The following CEP112 variants were observed in gnomAD, a reference collection of about 807,000 sequenced individuals.
CEP112 encodes centrosomal protein of 112 kDa.
In CEP112, 127 loss-of-function variants were observed where a neutral mutation model predicts 153.0. The ratio of observed to expected loss-of-function variants is 0.83; its 90% CI spans 0.72 to 0.96. CEP112 has a LOEUF of 0.96. Among genes scored for constraint, CEP112 ranks in the 40% least tolerant of loss-of-function variants. The pLI, the probability that CEP112 is intolerant of heterozygous loss-of-function variation, is 0.00. For synonymous variants in CEP112, 358 were observed against 374.4 expected, an observed-to-expected ratio of 0.96 and a Z score of 0.51; for missense variants, 1,089 against 1,101.2, an observed-to-expected ratio of 0.99 and a Z score of 0.16.
At chr17:66,017,225 T>G (rs2064810413) in intron 16 of CEP112, among the ~76,000 whole-genome samples, 1 of 152,228 alleles carries the variant, frequency 6.6e-6, no homozygotes, top group African/African-American at 2.4e-5. Flanking sequence ...TGTAACTGCT[T>G]TTTATCATTA....
At chr17:66,085,264 C>A (rs1390213356) in intron 8 of CEP112, among the ~76,000 whole-genome samples, 1 of 152,090 alleles carries the variant, frequency 6.6e-6, no homozygotes, top group East Asian at 1.9e-4. Context: ...GAGAGTTATA[C>A]AACCGTTAGC....
At chr17:66,137,096 A>G (rs1946931065) in intron 4 of CEP112, among the ~76,000 whole-genome samples, 1 of 152,214 alleles carries the variant, frequency 6.6e-6, no homozygotes, top group Non-Finnish European at 1.5e-5. Context: ...AAAATATTCA[A>G]TAAGCTTAGG....
chr17:66,148,857 G>A (rs1046653824), intron 4 of CEP112, among the ~76,000 whole-genome samples: 9 of 151,132 alleles, frequency 6.0e-5, no homozygotes, highest in African/African-American at 1.2e-4. Context: ...TTTTTCTTGC[G>A]AATTGCCTAT....
chr17:65,927,509 A>G, intron 19 of CEP112, 73 bp downstream of exon 19: 1 of 774,144 alleles, frequency 1.3e-6, no homozygotes, highest in South Asian at 1.7e-5. Context: ...ATATTTTGTG[A>G]TAGTGATTTT....
chr17:65,932,531 T>C (rs1025595798), intron 18 of CEP112, among the ~76,000 whole-genome samples: 1 of 152,116 alleles, frequency 6.6e-6, no homozygotes, highest in Non-Finnish European at 1.5e-5. Flanking sequence ...GTGGAATTTA[T>C]AAAGGAAAAG....
intron 4 of CEP112, among the ~76,000 whole-genome samples, chr17:66,143,879 C>T (rs2070809463): frequency 6.6e-6 from 1 of 152,192 alleles, no homozygotes; most frequent in African/African-American, 2.4e-5. Flanking sequence ...AAATGCCTGG[C>T]TAGATTTCAG....
intron 24 of CEP112, among the ~76,000 whole-genome samples, chr17:65,650,730 T>TA (rs71361240): frequency 0.017 from 741 of 44,194 alleles, 22 homozygotes; most frequent in South Asian, 0.032. Context: ...AACTCTCTAC[T>TA]AAAAAAAAAA....
chr17:65,814,842 T>G (rs1399450758), intron 21 of CEP112, among the ~76,000 whole-genome samples: 2 of 152,212 alleles, frequency 1.3e-5, no homozygotes, highest in Non-Finnish European at 2.9e-5. Context: ...ACAGTCTATC[T>G]TCTGTGGTGA....
At chr17:65,795,162 A>G (rs903112212) in intron 21 of CEP112, among the ~76,000 whole-genome samples, 2 of 152,188 alleles carry the variant, frequency 1.3e-5, no homozygotes, top group Non-Finnish European at 2.9e-5. Context: ...CAGAGCTCAT[A>G]ATAGTGGGAG....
At chr17:66,016,836 T>C (rs1170404213) in intron 16 of CEP112, among the ~76,000 whole-genome samples, 5 of 152,174 alleles carry the variant, frequency 3.3e-5, no homozygotes, top group African/African-American at 1.2e-4. Flanking sequence ...TTAACAATTT[T>C]TGAGAAAAAT....
intron 12 of CEP112, among the ~76,000 whole-genome samples, chr17:66,032,516 G>C (rs967896127): frequency 1.3e-5 from 2 of 152,144 alleles, no homozygotes; most frequent in Admixed American, 6.5e-5. Context: ...GCGAAAGTTA[G>C]TCAAAAGTAG....
rs1382545282 is a variant in CEP112, at chr17:66,175,524, A to G, written c.298-308T>C. On this transcript the variant is annotated intron_variant, in intron 3 of 26. Coordinates refer to ENST00000535342, the MANE Select transcript of CEP112 (RefSeq NM_001199165.4). ...TAGTTAAATATGAAAAGTTAAATAC[A>G]AAGTTTTTAATTATGTGCCATCCTA... is the stretch of plus-strand genomic sequence containing the variant. Among the ~76,000 whole-genome samples, 3 of 152,244 alleles carry G rather than the reference A, an allele frequency of 2.0e-5. No homozygotes were observed. In the East Asian group the frequency reaches 5.8e-4, roughly 29 times the overall value.
chr17:66,184,262 A>G (rs1308487933), intron 1 of CEP112, among the ~76,000 whole-genome samples: 4 of 152,162 alleles, frequency 2.6e-5, no homozygotes, highest in African/African-American at 9.7e-5. Context: ...CTATCTCAAA[A>G]ATAAAAAAGA....
chr17:65,756,794 A>G lies in CEP112; in HGVS notation c.2395-6070T>C, dbSNP rs1029829966. 2.0e-5 allele frequency among the ~76,000 whole-genome samples: 3 copies of G among 152,168 alleles called. No homozygotes were observed. The South Asian group carries it at 6.2e-4, about 32-fold the overall frequency. On this transcript the variant is annotated intron_variant, in intron 21 of 26. Transcript: ENST00000535342. ...AACAGCATGTTTGTAGGCTGATAGG[A>G]AAGATCTAGCAGTAGAGAGGGAGGA...
intron 4 of CEP112, among the ~76,000 whole-genome samples, chr17:66,134,010 A>G (rs1005121430): frequency 1.3e-5 from 2 of 152,148 alleles, no homozygotes; most frequent in Non-Finnish European, 2.9e-5. Flanking sequence ...CAAAGTTAAT[A>G]TTTTGAGTAT....
chr17:65,664,986 A>G (rs1244866124), intron 24 of CEP112, among the ~76,000 whole-genome samples: 1 of 152,176 alleles, frequency 6.6e-6, no homozygotes, highest in Admixed American at 6.5e-5. Flanking sequence ...GAGACAGTGC[A>G]ATATTTCTCC....
chr17:66,109,674 T>A (rs562080046), intron 6 of CEP112, among the ~76,000 whole-genome samples: 1 of 152,058 alleles, frequency 6.6e-6, no homozygotes, highest in African/African-American at 2.4e-5. Context: ...TTTTGGACAG[T>A]CTCGATGTTG....
At chr17:65,809,440 C>T (rs2055818408) in intron 21 of CEP112, among the ~76,000 whole-genome samples, 1 of 152,104 alleles carries the variant, frequency 6.6e-6, no homozygotes, top group Admixed American at 6.5e-5. Flanking sequence ...AATAGGAAGA[C>T]CAGGTGGGAG....
At position 66,096,283 on chromosome 17, in the gene CEP112, C is replaced by A. The variant is rs749748405; in HGVS notation, c.736G>T (p.Asp246Tyr). The change falls in exon 8 of 27, where the codon GAT (aspartate) becomes TAT (tyrosine). Residue 246 changes from aspartate (D) to tyrosine (Y), a missense_variant. By Grantham distance (160) the Asp-to-Tyr change is radical. Transcript: ENST00000535342. ...SLRKSSSFHDDHFLSRIREKE... is the reference protein window; with the variant it reads ...SLRKSSSFHDYHFLSRIREKE... The stretch of plus-strand genomic sequence containing the variant: ...TCACGTATTCGAGAGAGAAAATGAT[C>A]ATCATGGAAACTGCTGGATTTTCTC... 1 of 1,613,222 alleles carries A rather than the reference C, an allele frequency of 6.2e-7. No homozygotes were observed. Among genetic ancestry groups the A allele is most frequent in the East Asian group, 2.2e-5 (1 of 44,832 alleles).
Sources: gnomAD v4.1 joint callset for allele counts (sites outside exome capture counted in the v4.1 genomes callset) on GRCh38, gnomAD v4.1.1 for gene constraint, MANE v1.5 for transcripts, NCBI Gene and HGNC (gene_info 2026-07-23, HGNC 2026-07-21) for gene names.